RAPGEF2: variants seen among roughly 807,000 people sequenced by gnomAD.
RAPGEF2 encodes Rap guanine nucleotide exchange factor 2.
RAPGEF2 carries 54 observed loss-of-function variants against 186.7 expected under a neutral mutation model. The observed-to-expected ratio is 0.29, with a 90% CI of 0.23 to 0.36. The LOEUF is 0.36. RAPGEF2 is among the 10% of genes least tolerant of loss of function. The pLI is 1.00. For synonymous variants in RAPGEF2, 712 were observed against 705.9 expected (o/e 1.01, Z -0.14); for missense variants, 1,532 against 2,045.0 (o/e 0.75, Z 4.84).
chr4:159,268,349 G>A (rs1757692632), intron 7 of RAPGEF2: 1 of 655,588 alleles, frequency 1.5e-6, no homozygotes, highest in Non-Finnish European at 2.5e-6. Context: ...GAGAGGAGGG[G>A]AGGGTGCATT....
chr4:159,237,608 TCACAGTGCCTA>T (rs1753419660), intron 4 of RAPGEF2, among the ~76,000 whole-genome samples: 1 of 151,996 alleles, frequency 6.6e-6, no homozygotes, highest in Admixed American at 6.5e-5. Context: ...TAGGAGTCCC[TCACAGTGCCTA>T]ATTAACTTGG....
In RAPGEF2 at chr4:159,220,082, A is replaced by AC. The variant is rs545054321; in HGVS notation, c.281+9501dup. Reference sequence around the variant, plus strand: ...TTTAGCAACTTGGGAGTCCTATGTGACCTAACAGGACTAGTGTTAGTGGAG... The same window carrying AC: ...TTTAGCAACTTGGGAGTCCTATGTGACCCTAACAGGACTAGTGTTAGTGGAG... On this transcript the variant is annotated intron_variant, in intron 4 of 29. Coordinates refer to ENST00000691494, the MANE Select transcript of RAPGEF2 (RefSeq NM_001394067.2). Among the ~76,000 whole-genome samples, 432 of 152,342 alleles carry AC rather than the reference A, an allele frequency of 2.8e-3. 3 individuals are homozygous for AC. Among genetic ancestry groups the AC allele is most frequent in the Non-Finnish European group, 5.3e-3 (359 of 68,022 alleles).
At chr4:159,219,280 A>G (rs1398682707) in intron 4 of RAPGEF2, among the ~76,000 whole-genome samples, 2 of 147,340 alleles carry the variant, frequency 1.4e-5, no homozygotes, top group African/African-American at 5.0e-5. Context: ...CGGTATATGT[A>G]TTGTTCTTTT....
intron 7 of RAPGEF2, chr4:159,267,417 G>T (rs1757553844): frequency 1.0e-6 from 1 of 971,914 alleles, no homozygotes; most frequent in African/African-American, 1.7e-5. Context: ...CTTGCTAGCA[G>T]GCATGCTTGT....
chr4:159,234,979 C>A (rs757893512), intron 4 of RAPGEF2, among the ~76,000 whole-genome samples: 1 of 152,102 alleles, frequency 6.6e-6, no homozygotes, highest in Non-Finnish European at 1.5e-5. Context: ...AGGCTGGTCT[C>A]GAACTCCTAA....
intron 7 of RAPGEF2, among the ~76,000 whole-genome samples, chr4:159,280,083 G>A (rs1482279668): frequency 6.6e-6 from 1 of 152,090 alleles, no homozygotes; most frequent in South Asian, 2.1e-4. Flanking sequence ...GGTCTTTCAT[G>A]TTATCCTTTT....
At chr4:159,289,317 A>T (rs1760899691) in intron 7 of RAPGEF2, among the ~76,000 whole-genome samples, 1 of 152,190 alleles carries the variant, frequency 6.6e-6, no homozygotes, top group South Asian at 2.1e-4. Context: ...GAGATCTATG[A>T]TAGGAAGTTA....
Position 159,332,462 on chromosome 4 carries a change from C to A in RAPGEF2, c.1900C>A (p.Leu634Ile). 6.2e-7 allele frequency: 1 copy of A among 1,611,862 alleles called. No homozygotes were observed. The highest frequency in any genetic ancestry group is 1.3e-5 in the African/African-American group (1 of 74,798). Reference sequence around the variant, plus strand: ...TTCATTTATTTTAGTATTTAAAGAACTTCTAACAAGATTGTCAGAAGAGAA... The same window carrying A: ...TTCATTTATTTTAGTATTTAAAGAAATTCTAACAAGATTGTCAGAAGAGAA... Reference protein sequence around the residue: ...VKTNLFVFKELLTRLSEEKRN... With the variant: ...VKTNLFVFKEILTRLSEEKRN... Residue 634 changes from leucine (L) to isoleucine (I), a missense_variant, in exon 17 of 30, where the codon CTT becomes ATT. Physicochemically the swap from Leu to Ile is conservative, Grantham distance 5. Transcript: ENST00000691494.
chr4:159,250,931 G>A lies in RAPGEF2; in HGVS notation c.543+7140G>A, dbSNP rs536246427. On this transcript the variant is annotated intron_variant, in intron 7 of 29. Transcript: ENST00000691494. ...TGCCGGGAGGTGTGGAGGGAGATGC[G>A]CAGGTGGGAACCTGGGCTGTGCGCC... Among the ~76,000 whole-genome samples, 33 of 152,306 alleles carry A rather than the reference G, an allele frequency of 2.2e-4. No homozygotes were observed. In the South Asian group the frequency reaches 6.4e-3, roughly 30 times the overall value.
chr4:159,323,783 A>G (rs1765558151), intron 11 of RAPGEF2, among the ~76,000 whole-genome samples, 166 bp downstream of exon 11: 1 of 151,666 alleles, frequency 6.6e-6, no homozygotes, highest in South Asian at 2.1e-4. Context: ...CAGCGGCACA[A>G]GCTCGGCTCA....
intron 1 of RAPGEF2, among the ~76,000 whole-genome samples, 166 bp downstream of exon 1, chr4:159,104,397 G>A (rs1737548515): frequency 6.7e-6 from 1 of 149,666 alleles, no homozygotes; most frequent in Non-Finnish European, 1.5e-5. Context: ...CTTTTACTCC[G>A]CCTATCCTGG....
intron 25 of RAPGEF2, among the ~76,000 whole-genome samples, chr4:159,348,690 C>G (rs192056077): frequency 2.0e-5 from 3 of 152,138 alleles, no homozygotes; most frequent in Non-Finnish European, 4.4e-5. Flanking sequence ...CTAAAAATGC[C>G]TATTAGCCAT....
intron 17 of RAPGEF2, among the ~76,000 whole-genome samples, chr4:159,333,984 A>G (rs1000301125): frequency 6.6e-6 from 1 of 152,164 alleles, no homozygotes; most frequent in Non-Finnish European, 1.5e-5. Context: ...AAAATATACT[A>G]TTGATTGGTT....
chr4:159,183,070 A>G (rs1185800616), intron 1 of RAPGEF2, among the ~76,000 whole-genome samples: 1 of 152,202 alleles, frequency 6.6e-6, no homozygotes, highest in African/African-American at 2.4e-5. Context: ...CAAGCTAATC[A>G]AAAAAATTAA....
chr4:159,349,830 C>T lies in RAPGEF2; in HGVS notation c.3713-307C>T, dbSNP rs76863556. On this transcript the variant is annotated intron_variant, in intron 25 of 29. Coordinates refer to ENST00000691494, the MANE Select transcript of RAPGEF2 (RefSeq NM_001394067.2). ...ATTGTCCATTTTTTCTTCATTGTTG[C>T]CTAACATATTGTTGAATAAAGATGG... Among the ~76,000 whole-genome samples the T allele has an allele frequency of 7.7e-3, 1,173 of 152,268 alleles. 13 individuals carry two copies. The highest frequency in any genetic ancestry group is 0.027 in the African/African-American group (1,103 of 41,546).
chr4:159,123,676 G>A (rs771605354), intron 1 of RAPGEF2, among the ~76,000 whole-genome samples: 36 of 150,660 alleles, frequency 2.4e-4, no homozygotes, highest in Middle Eastern at 6.9e-3. Context: ...CCACCACCGC[G>A]CCCGGCTAAT....
At chr4:159,267,233 A>G in intron 7 of RAPGEF2, 1 of 1,289,166 alleles carries the variant, frequency 7.8e-7, no homozygotes, top group Non-Finnish European at 1.0e-6. Context: ...TTTATTTAGA[A>G]AAGGAAGCTT....
Position 159,198,292 on chromosome 4 carries a change from TTC to T in RAPGEF2, c.197+5038_197+5039del, listed in dbSNP as rs1440719977. ...TTTCCTTCTTTCTTTCTTTCTTTCTTTCTTTCTTTCTTTCTTTCTTTCTTTCT... is the reference window on the plus strand; with the variant it reads ...TTTCCTTCTTTCTTTCTTTCTTTCTTTTTCTTTCTTTCTTTCTTTCTTTCT... On this transcript the variant is annotated intron_variant, in intron 3 of 29. Coordinates refer to ENST00000691494, the MANE Select transcript of RAPGEF2 (RefSeq NM_001394067.2). Among the ~76,000 whole-genome samples, 32 of 26,276 alleles carry T rather than the reference TTC, an allele frequency of 1.2e-3. 2 individuals are homozygous for T. Among genetic ancestry groups the T allele is most frequent in the African/African-American group, 7.0e-3 (31 of 4,432 alleles). 17.2% of individuals were successfully genotyped at this position (26,276 alleles called of 152,430 possible). A position where few individuals can be genotyped will look rare whatever the true frequency, so the allele number is the denominator to read the frequency against.
At chr4:159,209,869 G>C (rs1750350733) in intron 3 of RAPGEF2, among the ~76,000 whole-genome samples, 1 of 152,200 alleles carries the variant, frequency 6.6e-6, no homozygotes, top group Non-Finnish European at 1.5e-5. Flanking sequence ...ATGACTATCA[G>C]TAGGGGGTTG....
Sources: allele counts gnomAD v4.1 joint callset (sites outside exome capture counted in the v4.1 genomes callset), GRCh38; gene constraint gnomAD v4.1.1; transcripts MANE v1.5; gene names NCBI Gene and HGNC (gene_info 2026-07-23, HGNC 2026-07-21).